Variants in SGSM3 observed in about 807,000 individuals in gnomAD.
SGSM3 encodes the protein small G protein signaling modulator 3, also known as RUN and SH3 containing 3.
SGSM3 carries 96 observed loss-of-function variants against 100.5 expected under a neutral mutation model. The observed-to-expected ratio is 0.96, with a 90% confidence interval of 0.81 to 1.13. The LOEUF (loss-of-function observed/expected upper bound fraction) is 1.13, where lower values mean the gene tolerates loss of function less well. Ranked by LOEUF, SGSM3 falls within the 50% of genes most tolerant of loss-of-function variation. The probability of loss-of-function intolerance (pLI) is 0.00; values close to 1 mark genes in which losing one functional copy is unlikely to be tolerated. For missense variants in SGSM3, 1,001 were observed against 1,015.8 expected (o/e 0.99, Z 0.20); for synonymous variants, 483 against 422.8 (o/e 1.14, Z -1.75).
chr22:40,376,372 T>A (rs2046597553), intron 1 of SGSM3: 1 of 151,822 alleles, frequency 6.6e-6, no homozygotes, highest in Non-Finnish European at 1.5e-5. Flanking sequence ...CACTGAAACC[T>A]CAAACTCCTG....
At position 40,407,191 on chromosome 22, in the gene SGSM3, G is replaced by C; in HGVS notation, c.1241-10G>C. 6.2e-7 allele frequency: 1 copy of C among 1,613,392 alleles called. No homozygotes were observed. Among genetic ancestry groups the C allele is most frequent in the Non-Finnish European group, 8.5e-7 (1 of 1,179,854 alleles). ...GGGCTGTGGTCACCATGGTTCTCTG[G>C]GCCTCCTAGGGGAGGATGACCTGGA... On this transcript the variant is annotated splice_polypyrimidine_tract_variant and intron_variant, in intron 11 of 21. Coordinates refer to ENST00000248929, the MANE Select transcript of SGSM3 (RefSeq NM_015705.6). This position sits in a 1 kb window ranked among gnomAD's most constrained non-coding sequence, Gnocchi z 4.7.
rs767322539 is a variant in SGSM3 at position 40,407,152 on chromosome 22, CG to C, written c.1241-44del. The C allele has an allele frequency of 9.3e-6, 15 of 1,612,358 alleles. No individual in the cohort carries two copies. The South Asian group carries it at 1.4e-4, about 15-fold the overall frequency. ...TCATGTGGACGTGGAGCTTCCTCCT[CG>C]GGGGCCTGGAGTGGGCTGTGGTCAC... On this transcript the variant is annotated intron_variant, in intron 11 of 21. Coordinates refer to ENST00000248929, the MANE Select transcript of SGSM3 (RefSeq NM_015705.6). This position sits in a 1 kb window ranked among gnomAD's most constrained non-coding sequence, Gnocchi z 4.7.
intron 1 of SGSM3, among the ~76,000 whole-genome samples, chr22:40,387,823 A>G (rs535555454): frequency 6.6e-5 from 10 of 152,268 alleles, no homozygotes; most frequent in African/African-American, 2.4e-4. Flanking sequence ...ATGATTGATT[A>G]TTTGATATGA....
chr22:40,379,097 A>C (rs1469975391), intron 1 of SGSM3, among the ~76,000 whole-genome samples: 1 of 152,234 alleles, frequency 6.6e-6, no homozygotes, highest in African/African-American at 2.4e-5. Context: ...AGCACTATTC[A>C]TCTGACATAC....
intron 1 of SGSM3, among the ~76,000 whole-genome samples, chr22:40,390,619 A>G (rs2049225946): frequency 6.6e-6 from 1 of 152,204 alleles, no homozygotes; most frequent in Non-Finnish European, 1.5e-5. Context: ...GATTTAATTC[A>G]GTTCTGTTTA....
intron 1 of SGSM3, among the ~76,000 whole-genome samples, chr22:40,395,886 C>T (rs1345919813): frequency 3.3e-5 from 5 of 152,316 alleles, no homozygotes; most frequent in Admixed American, 6.5e-5. Flanking sequence ...AATCTTTCCT[C>T]TGCACGCCAC....
chr22:40,406,159 A>T lies in SGSM3; in HGVS notation c.896A>T (p.Asp299Val). The T allele has an allele frequency of 6.2e-7, 1 of 1,613,994 alleles. No individual in the cohort carries two copies. Among genetic ancestry groups the T allele is most frequent in the Non-Finnish European group, 8.5e-7 (1 of 1,180,020 alleles). The change falls in exon 9 of 22, where the codon GAC becomes GTC. Residue 299 changes from aspartate (D) to valine (V), a missense_variant. Physicochemically the swap from Asp to Val is radical, Grantham distance 152. Transcript: ENST00000248929. ...ATCAAGCTGCTCCTGCGCATCTGGG[A>T]CCTGTTTTTCTACGAGGGCTCCCGG... ...VDIKLLLRIW[D>V]LFFYEGSRVL...
Position 40,399,727 on chromosome 22 carries a change from C to T in SGSM3, c.-111-969C>T, listed in dbSNP as rs546890964. On this transcript the variant is annotated intron_variant, in intron 1 of 21. Transcript: ENST00000248929. ...TGAAGGAAGACATTAAAATTCCATT[C>T]TCTTCACACAGAACCAACCAACCAG... Among the ~76,000 whole-genome samples the T allele has an allele frequency of 1.6e-4, 25 of 152,360 alleles. No individual in the cohort carries two copies. The South Asian group carries it at 5.2e-3, about 32-fold the overall frequency.
chr22:40,377,444 AT>A (rs1273727086), intron 1 of SGSM3, among the ~76,000 whole-genome samples: 1 of 152,172 alleles, frequency 6.6e-6, no homozygotes, highest in Non-Finnish European at 1.5e-5. Flanking sequence ...CTTCCAATAC[AT>A]TCCTGTCTTT....
At chr22:40,377,672 C>G (rs553334079) in intron 1 of SGSM3, among the ~76,000 whole-genome samples, 39 of 150,406 alleles carry the variant, frequency 2.6e-4, no homozygotes, top group Admixed American at 6.6e-4. Context: ...CCTGTCTCTA[C>G]AAAAAAAAAC....
rs764644701 is a variant in SGSM3 at position 40,406,549 on chromosome 22, G to A, written c.1072G>A (p.Ala358Thr). 2 of 1,612,994 alleles carry A rather than the reference G, an allele frequency of 1.2e-6. No homozygotes were observed. Among genetic ancestry groups the A allele is most frequent in the South Asian group, 2.2e-5 (2 of 91,054 alleles). ...GCTTCTGGGGGTGGCCATGCGGCTG[G>A]CCGGCTCCCTCACCGATGTGGCCGT... ...ELLLGVAMRL[A>T]GSLTDVAVET... Residue 358 changes from alanine to threonine, a missense_variant, in exon 10 of 22, where the codon GCC becomes ACC. Coordinates refer to ENST00000248929, the MANE Select transcript of SGSM3 (RefSeq NM_015705.6).
At position 40,407,310 on chromosome 22, in the gene SGSM3, C is replaced by T; in HGVS notation, c.1350C>T (p.Asp450=). The T allele has an allele frequency of 6.2e-7, 1 of 1,613,580 alleles. No individual in the cohort carries two copies. Among genetic ancestry groups the T allele is most frequent in the Non-Finnish European group, 8.5e-7 (1 of 1,180,022 alleles). ...LRVARHFQCT[D]PKNCSVELTP... ...TGGCACGCCACTTCCAGTGCACAGA[C>T]CCCAAAAACTGCAGCGTGGTGAGTC... The change falls in exon 12 of 22, where the codon GAC becomes GAT. Residue 450 remains aspartate, a synonymous_variant. Coordinates refer to ENST00000248929, the MANE Select transcript of SGSM3 (RefSeq NM_015705.6). The surrounding 1 kb of genome is among the most constrained non-coding windows in gnomAD (Gnocchi z 4.7).
chr22:40,409,754 G>T lies in SGSM3; in HGVS notation c.2245G>T (p.Gly749Trp), dbSNP rs529311209. ...KHHLFSWDVD[G>W] ...CCACCTCTTCAGCTGGGATGTGGAC[G>T]GGTGACCCCCTCCTCCCCAGCCCAA... Residue 749 changes from glycine (G) to tryptophan (W), a missense_variant, in exon 22 of 22, where the codon GGG (glycine) becomes TGG (tryptophan). Transcript: ENST00000248929. 5.0e-6 allele frequency: 8 copies of T among 1,607,522 alleles called. No individual in the cohort carries two copies. The highest frequency in any genetic ancestry group is 5.9e-6 in the Non-Finnish European group (7 of 1,179,174).
chr22:40,406,270 G>T (rs775618452), intron 9 of SGSM3, 47 bp downstream of exon 9: 1 of 1,607,618 alleles, frequency 6.2e-7, no homozygotes, highest in Admixed American at 1.7e-5. Context: ...ACCCGAGATG[G>T]GGGGCAGGGG....
chr22:40,397,696 C>G (rs190010261), intron 1 of SGSM3, among the ~76,000 whole-genome samples: 52 of 152,320 alleles, frequency 3.4e-4, no homozygotes, highest in Admixed American at 2.2e-3. Context: ...GCCCCTCCAG[C>G]CTGCTGGCTG....
In SGSM3 at chr22:40,375,643, A is replaced by G. The variant is rs536424540; in HGVS notation, c.-112+4955A>G. ...TCAAAAGTCTTATCTTGGAAAGGGT[A>G]TAATTTCCAATTAAGACAGAGAATT... On this transcript the variant is annotated intron_variant, in intron 1 of 21. Transcript: ENST00000248929. Among the ~76,000 whole-genome samples the G allele has an allele frequency of 8.6e-5, 13 of 150,614 alleles. 1 individual carries two copies. The highest frequency in any genetic ancestry group is 8.2e-4 in the Admixed American group (12 of 14,690).
chr22:40,388,963 G>C (rs1432500190), intron 1 of SGSM3, among the ~76,000 whole-genome samples: 2 of 152,192 alleles, frequency 1.3e-5, no homozygotes, highest in African/African-American at 2.4e-5. Context: ...GAAGAATATG[G>C]AGGAGCTGCC....
rs1408391997 is a variant in SGSM3, at chr22:40,408,432, A to C, written c.1782+3A>C. 1.9e-6 allele frequency: 3 copies of C among 1,613,306 alleles called. No homozygotes were observed. Among genetic ancestry groups the C allele is most frequent in the Non-Finnish European group, 2.5e-6 (3 of 1,179,910 alleles). ...ACCCCTGGCTGTTTATCGAGGAGGT[A>C]AGTCAGTGGCTGGGCCCATGACCCC... is the stretch of plus-strand genomic sequence containing the variant. On this transcript the variant is annotated splice_donor_region_variant and intron_variant, in intron 16 of 21. Coordinates refer to ENST00000248929, the MANE Select transcript of SGSM3 (RefSeq NM_015705.6).
intron 1 of SGSM3, among the ~76,000 whole-genome samples, chr22:40,396,536 T>G (rs957225493): frequency 7.3e-6 from 1 of 137,764 alleles, no homozygotes; most frequent in African/African-American, 2.8e-5. Flanking sequence ...GAGGTTGCAG[T>G]GAGCTGAGAT....
Sources: allele counts gnomAD v4.1 joint callset (sites outside exome capture counted in the v4.1 genomes callset), GRCh38; gene constraint gnomAD v4.1.1; non-coding constraint Gnocchi (gnomAD v3.1); transcripts MANE v1.5; gene names NCBI Gene and HGNC (gene_info 2026-07-23, HGNC 2026-07-21).